The following MYO1D variants were observed in gnomAD, a reference collection of about 807,000 sequenced individuals.
The protein encoded by MYO1D is myosin ID.
In MYO1D, 83 loss-of-function variants were observed where a neutral mutation model predicts 122.0. That is an observed-to-expected ratio of 0.68 (90% CI 0.57 to 0.82). The LOEUF is 0.82. Ranked by LOEUF, MYO1D falls within the 40% of genes least tolerant of loss-of-function variation. The pLI is 0.00. For synonymous variants in MYO1D, 464 were observed against 446.9 expected (o/e 1.04, Z -0.48); for missense variants, 1,157 against 1,269.5 (o/e 0.91, Z 1.35).
At chr17:32,728,159 A>C (rs2089597419) in intron 14 of MYO1D, among the ~76,000 whole-genome samples, 1 of 152,218 alleles carries the variant, frequency 6.6e-6, no homozygotes. Flanking sequence ...AAAGTTGAAC[A>C]ATATTATTAG....
chr17:32,826,569 A>T (rs2151062087), intron 1 of MYO1D, among the ~76,000 whole-genome samples: 1 of 152,360 alleles, frequency 6.6e-6, no homozygotes, highest in African/African-American at 2.4e-5. Context: ...ACAAAACTTG[A>T]CATTTAATAA....
rs752732885 is a variant in MYO1D at position 32,772,824 on chromosome 17, G to A, written c.583C>T (p.Gln195Ter). The stretch of plus-strand genomic sequence containing the variant: ...GAATGAAAGCTTCTTTCTCCTGGCT[G>A]TTGCACAATCACTCGAGACTAAGAA... ...LLEKSRVIVQQPGERSFHSFY... is the reference protein window; with the variant it reads ...LLEKSRVIVQ The change falls in exon 5 of 22, where the codon CAG (glutamine) becomes TAG (stop). Residue 195 changes from glutamine to a stop codon, truncating the protein, a stop_gained. Coordinates refer to ENST00000318217, the MANE Select transcript of MYO1D (RefSeq NM_015194.3). LOFTEE classifies it high-confidence loss of function. 8.1e-6 allele frequency: 13 copies of A among 1,613,392 alleles called. No individual in the cohort carries two copies. Among genetic ancestry groups the A allele is most frequent in the South Asian group, 2.2e-5 (2 of 91,076 alleles).
chr17:32,712,669 TA>T (rs555046414), intron 15 of MYO1D, among the ~76,000 whole-genome samples: 2 of 152,256 alleles, frequency 1.3e-5, no homozygotes, highest in Admixed American at 6.5e-5. Context: ...GATCTCTAGA[TA>T]AAAAAACTAT....
intron 21 of MYO1D, among the ~76,000 whole-genome samples, chr17:32,577,036 G>A (rs759123241): frequency 5.3e-5 from 8 of 152,068 alleles, no homozygotes; most frequent in Non-Finnish European, 1.2e-4. Context: ...GATTGCCTGA[G>A]CTCAGGAGTT....
At chr17:32,498,757 T>C (rs1180828900) in intron 21 of MYO1D, 1 of 152,234 alleles carries the variant, frequency 6.6e-6, no homozygotes, top group African/African-American at 2.4e-5. Context: ...CCAAAAGAGA[T>C]GGTTCAAGAG....
intron 1 of MYO1D, among the ~76,000 whole-genome samples, chr17:32,823,928 G>A (rs1272350411): frequency 1.3e-5 from 2 of 151,864 alleles, no homozygotes; most frequent in East Asian, 1.9e-4. Flanking sequence ...TTAGCGGGGC[G>A]TGGTGGTGGG....
At chr17:32,778,367 C>T in intron 3 of MYO1D, 113 bp downstream of exon 3, 1 of 822,580 alleles carries the variant, frequency 1.2e-6, no homozygotes, top group Non-Finnish European at 1.9e-6. Flanking sequence ...AAAAAATGCT[C>T]AGCCCATAGG....
At chr17:32,835,034 A>T (rs1325641818) in intron 1 of MYO1D, among the ~76,000 whole-genome samples, 1 of 152,028 alleles carries the variant, frequency 6.6e-6, no homozygotes, top group Non-Finnish European at 1.5e-5. Context: ...AACAAACAAA[A>T]AACCACATTT....
chr17:32,554,197 G>A (rs949598503), intron 21 of MYO1D, among the ~76,000 whole-genome samples: 8 of 151,592 alleles, frequency 5.3e-5, no homozygotes, highest in African/African-American at 1.9e-4. Flanking sequence ...CCCTGCCCCT[G>A]CCCCTGCCCC....
At chr17:32,663,484 A>T (rs1406847928) in intron 16 of MYO1D, among the ~76,000 whole-genome samples, 1 of 152,202 alleles carries the variant, frequency 6.6e-6, no homozygotes, top group Non-Finnish European at 1.5e-5. Flanking sequence ...TCATTCTATG[A>T]AATAAATGCA....
chr17:32,597,989 A>G (rs993832711), intron 21 of MYO1D, among the ~76,000 whole-genome samples: 1 of 151,402 alleles, frequency 6.6e-6, no homozygotes, highest in Non-Finnish European at 1.5e-5. Context: ...ATGGTTTTAT[A>G]TCAATATAGA....
Position 32,584,186 on chromosome 17 carries a change from C to T in MYO1D, c.2864+20901G>A, listed in dbSNP as rs181441724. ...TTTTTATGATATTTTCCCCAAATCTCGCTTCTATCTAGAGATGTACTTTTA... is the reference window on the plus strand; with the variant it reads ...TTTTTATGATATTTTCCCCAAATCTTGCTTCTATCTAGAGATGTACTTTTA... On this transcript the variant is annotated intron_variant, in intron 21 of 21. Coordinates refer to ENST00000318217, the MANE Select transcript of MYO1D (RefSeq NM_015194.3). Among the ~76,000 whole-genome samples, 88 of 152,306 alleles carry T rather than the reference C, an allele frequency of 5.8e-4. 1 individual carries two copies. Among genetic ancestry groups the T allele is most frequent in the Admixed American group, 2.5e-3 (38 of 15,298 alleles).
At chr17:32,750,502 C>T (rs989592043) in intron 11 of MYO1D, among the ~76,000 whole-genome samples, 7 of 152,072 alleles carry the variant, frequency 4.6e-5, no homozygotes, top group Admixed American at 4.6e-4. Flanking sequence ...GTAGTCCCAG[C>T]TACTCGGGAG....
At chr17:32,571,002 G>GA (rs1053257167) in intron 21 of MYO1D, among the ~76,000 whole-genome samples, 1 of 121,928 alleles carries the variant, frequency 8.2e-6, no homozygotes, top group South Asian at 2.5e-4. Flanking sequence ...CTCCCATGAG[G>GA]AAAAGTGCTG....
At chr17:32,562,509 G>T (rs536083623) in intron 21 of MYO1D, among the ~76,000 whole-genome samples, 3 of 151,968 alleles carry the variant, frequency 2.0e-5, no homozygotes, top group South Asian at 2.1e-4. Context: ...TTGAGATAGG[G>T]TCTTGCTCTG....
chr17:32,805,900 T>C (rs1454030525), intron 1 of MYO1D, among the ~76,000 whole-genome samples: 1 of 152,212 alleles, frequency 6.6e-6, no homozygotes, highest in African/African-American at 2.4e-5. Context: ...TCAGGTTATC[T>C]GCAACTTCAA....
intron 16 of MYO1D, among the ~76,000 whole-genome samples, chr17:32,689,755 G>A (rs1012896138): frequency 1.3e-5 from 2 of 151,258 alleles, no homozygotes; most frequent in African/African-American, 4.9e-5. Context: ...GTCTCGCTCT[G>A]TTGCCCAGGC....
intron 11 of MYO1D, among the ~76,000 whole-genome samples, chr17:32,753,373 C>T (rs1252707499): frequency 1.3e-5 from 2 of 152,064 alleles, no homozygotes; most frequent in South Asian, 2.1e-4. Context: ...TGAACATGTA[C>T]ACCTCCCAGA....
At chr17:32,535,776 A>AACAAT (rs529410008) in intron 21 of MYO1D, among the ~76,000 whole-genome samples, 2,316 of 152,210 alleles carry the variant, frequency 0.015, 55 homozygotes, top group African/African-American at 0.052. Context: ...AACAAAACAA[A>AACAAT]AATCGTACTT....
Sources: allele counts gnomAD v4.1 joint callset (sites outside exome capture counted in the v4.1 genomes callset), GRCh38; gene constraint gnomAD v4.1.1; transcripts MANE v1.5; gene names NCBI Gene and HGNC (gene_info 2026-07-23, HGNC 2026-07-21).